The following SLC25A37 variants were observed in gnomAD, a reference collection of about 807,000 sequenced individuals.
SLC25A37 encodes mitoferrin-1.
SLC25A37 carries 17 observed loss-of-function variants against 31.0 expected under a neutral mutation model. That is an observed-to-expected ratio of 0.55 (90% CI 0.38 to 0.82). The LOEUF is 0.82. SLC25A37 is among the 40% of genes least tolerant of loss of function. The pLI is 0.00. For synonymous variants in SLC25A37, 222 were observed against 193.0 expected, an observed-to-expected ratio of 1.15 and a Z score of -1.24; for missense variants, 404 against 465.8, an observed-to-expected ratio of 0.87 and a Z score of 1.22.
At chr8:23,570,541 C>T (rs1802796913) in intron 3 of SLC25A37, among the ~76,000 whole-genome samples, 1 of 152,134 alleles carries the variant, frequency 6.6e-6, no homozygotes, top group Non-Finnish European at 1.5e-5. Context: ...CATTCAGGGA[C>T]CCAGTCAGTA....
chr8:23,542,975 T>C (rs1299144023), intron 1 of SLC25A37: 1 of 152,290 alleles, frequency 6.6e-6, no homozygotes. Flanking sequence ...GTTTTGTGTT[T>C]TAAGCCAAGT....
chr8:23,550,181 CAAAAAAAAAAAA>C (rs67552053), intron 1 of SLC25A37, among the ~76,000 whole-genome samples: 1 of 68,764 alleles, frequency 1.5e-5, no homozygotes, highest in Non-Finnish European at 2.5e-5. Flanking sequence ...AATTCCGTTT[CAAAAAAAAAAAA>C]AAAAAAAACA....
rs575830847 is a variant in SLC25A37 at position 23,532,965 on chromosome 8, C to CTTCTG, written c.210+3753_210+3754insTTCTG. On this transcript the variant is annotated intron_variant, in intron 1 of 3. Transcript: ENST00000519973. ...TCAGCTTCAGAAGGGCGTGAAATCCCAAATTGCTCTAGTTCCTGGGACAAA... is the reference window on the plus strand; with the variant it reads ...TCAGCTTCAGAAGGGCGTGAAATCCCTTCTGAAATTGCTCTAGTTCCTGGGACAAA... 2.2e-4 allele frequency among the ~76,000 whole-genome samples: 33 copies of CTTCTG among 152,350 alleles called. No homozygotes were observed. In the East Asian group the frequency reaches 5.4e-3, roughly 25 times the overall value.
In SLC25A37 at chr8:23,529,287, G is replaced by A; in HGVS notation, c.210+75G>A. The A allele has an allele frequency of 4.9e-6, 7 of 1,417,720 alleles. No individual in the cohort carries two copies. Among genetic ancestry groups the A allele is most frequent in the Non-Finnish European group, 5.7e-6 (6 of 1,054,702 alleles). 87.8% of individuals were successfully genotyped at this position (1,417,720 alleles called of 1,614,324 possible). On this transcript the variant is annotated intron_variant, in intron 1 of 3. Transcript: ENST00000519973. This position sits in a 1 kb window ranked among gnomAD's most constrained non-coding sequence, Gnocchi z 4.1. ...CGCGCGCATTTGCATCCCGCGCGCC[G>A]GCAGCCTCGGGGCAGCGTCCCGAAA...
intron 3 of SLC25A37, 75 bp from the exon 4 acceptor site, chr8:23,571,260 G>C: frequency 6.9e-7 from 1 of 1,448,940 alleles, no homozygotes; most frequent in Non-Finnish European, 9.1e-7. Context: ...GCTTCATTCC[G>C]ACCTGGGGTG....
At chr8:23,535,267 C>G (rs1368566870) in intron 1 of SLC25A37, among the ~76,000 whole-genome samples, 3 of 152,180 alleles carry the variant, frequency 2.0e-5, no homozygotes, top group African/African-American at 7.2e-5. Context: ...TCCCTGGCCT[C>G]AGCTCCACAT....
Position 23,529,270 on chromosome 8 carries a change from T to A in SLC25A37, c.210+58T>A. ...AGCGGAGAAGGAGCGCGCGCGCGCA[T>A]TTGCATCCCGCGCGCCGGCAGCCTC... On this transcript the variant is annotated intron_variant, in intron 1 of 3. Transcript: ENST00000519973. The surrounding 1 kb of genome is among the most constrained non-coding windows in gnomAD (Gnocchi z 4.1). 1.3e-6 allele frequency: 2 copies of A among 1,497,650 alleles called. No homozygotes were observed. The highest frequency in any genetic ancestry group is 1.8e-6 in the Non-Finnish European group (2 of 1,110,514). 92.8% of individuals were successfully genotyped at this position (1,497,650 alleles called of 1,614,324 possible).
rs889755502 is a variant in SLC25A37 at position 23,529,662 on chromosome 8, A to G, written c.210+450A>G. Among the ~76,000 whole-genome samples, 3 of 152,006 alleles carry G rather than the reference A, an allele frequency of 2.0e-5. No homozygotes were observed. The highest frequency in any genetic ancestry group is 6.5e-5 in the Admixed American group (1 of 15,272). ...AGCCCTCACCACGCTGGAGCTGAGA[A>G]ACGTGTGGCCCTGGCCCGGCCGCGC... is the stretch of plus-strand genomic sequence containing the variant. On this transcript the variant is annotated intron_variant, in intron 1 of 3. Transcript: ENST00000519973. This position sits in a 1 kb window ranked among gnomAD's most constrained non-coding sequence, Gnocchi z 4.1.
At position 23,532,618 on chromosome 8, in the gene SLC25A37, GA is replaced by G. The variant is rs111396079; in HGVS notation, c.210+3407del. 1.8e-3 allele frequency among the ~76,000 whole-genome samples: 270 copies of G among 152,340 alleles called. 1 individual carries two copies. Among genetic ancestry groups the G allele is most frequent in the African/African-American group, 6.2e-3 (256 of 41,580 alleles). On this transcript the variant is annotated intron_variant, in intron 1 of 3. Transcript: ENST00000519973. Reference sequence around the variant, plus strand: ...GATTTGAAGCCGGGGGACTTCCGCTGACCCTTTCACAACCCTTCTTTTGCTT... The same window carrying G: ...GATTTGAAGCCGGGGGACTTCCGCTGCCCTTTCACAACCCTTCTTTTGCTT...
At chr8:23,547,579 G>C (rs764604003) in intron 1 of SLC25A37, among the ~76,000 whole-genome samples, 1 of 152,168 alleles carries the variant, frequency 6.6e-6, no homozygotes, top group Non-Finnish European at 1.5e-5. Flanking sequence ...TTAACTCCCT[G>C]TTTCAACTTT....
At chr8:23,532,339 C>T (rs534406275) in intron 1 of SLC25A37, among the ~76,000 whole-genome samples, 20 of 152,242 alleles carry the variant, frequency 1.3e-4, no homozygotes, top group African/African-American at 1.4e-4. Context: ...GGGCTCTCAC[C>T]AAATGGTGGC....
At chr8:23,564,994 T>C (rs1802615844) in intron 1 of SLC25A37, among the ~76,000 whole-genome samples, 1 of 152,138 alleles carries the variant, frequency 6.6e-6, no homozygotes, top group Admixed American at 6.5e-5. Flanking sequence ...ACCCACATGA[T>C]TGTGGGGACT....
intron 1 of SLC25A37, among the ~76,000 whole-genome samples, chr8:23,546,558 A>ATATATATATATATAGTG (rs1802059468): frequency 3.1e-5 from 1 of 32,698 alleles, no homozygotes; most frequent in African/African-American, 1.3e-4. Context: ...TATATAGTGT[A>ATATATATATATATAGTG]TATATATATA....
chr8:23,535,588 A>G (rs1260898398), intron 1 of SLC25A37, among the ~76,000 whole-genome samples: 3 of 152,210 alleles, frequency 2.0e-5, no homozygotes, highest in Admixed American at 2.0e-4. Context: ...CTCTAAGCTC[A>G]GGTTCCTTCT....
At position 23,538,512 on chromosome 8, in the gene SLC25A37, CGTT is replaced by C. The variant is rs983555952; in HGVS notation, c.210+9304_210+9306del. Reference sequence around the variant, plus strand: ...GCCACAAAGAAGACTTTCTTGGCTCCGTTGTTTGTCGTGTGTGTGTGTGTGTGT... The same window carrying C: ...GCCACAAAGAAGACTTTCTTGGCTCCGTTTGTCGTGTGTGTGTGTGTGTGT... On this transcript the variant is annotated intron_variant, in intron 1 of 3. Transcript: ENST00000519973. 1.0e-4 allele frequency among the ~76,000 whole-genome samples: 15 copies of C among 148,754 alleles called. No homozygotes were observed. The Middle Eastern group carries it at 0.014, about 136-fold the overall frequency.
At chr8:23,534,784 G>A (rs1302189083) in intron 1 of SLC25A37, among the ~76,000 whole-genome samples, 1 of 152,156 alleles carries the variant, frequency 6.6e-6, no homozygotes, top group Non-Finnish European at 1.5e-5. Context: ...TTAAGCCCTC[G>A]CTGCACTTCA....
chr8:23,560,652 G>A (rs544716747), intron 1 of SLC25A37, among the ~76,000 whole-genome samples: 76 of 152,306 alleles, frequency 5.0e-4, no homozygotes, highest in Non-Finnish European at 8.4e-4. Flanking sequence ...CCATCTCTGC[G>A]CTTCTGGGCC....
At chr8:23,548,876 A>G (rs973351993) in intron 1 of SLC25A37, among the ~76,000 whole-genome samples, 2 of 152,144 alleles carry the variant, frequency 1.3e-5, no homozygotes, top group African/African-American at 4.8e-5. Context: ...TGTATGTCCT[A>G]CACTTCGTTT....
chr8:23,552,922 T>C (rs7846025), intron 1 of SLC25A37, among the ~76,000 whole-genome samples: 5,088 of 152,232 alleles, frequency 0.033, 213 homozygotes, highest in South Asian at 0.11. Context: ...AAACCGATGA[T>C]GGCAGAGCTG....
Sources: allele counts gnomAD v4.1 joint callset (sites outside exome capture counted in the v4.1 genomes callset), GRCh38; gene constraint gnomAD v4.1.1; non-coding constraint Gnocchi (gnomAD v3.1); transcripts MANE v1.5; gene names NCBI Gene and HGNC (gene_info 2026-07-23, HGNC 2026-07-21).